CALD1: variants seen among roughly 807,000 people sequenced by gnomAD.
CALD1 encodes the protein caldesmon 1.
In CALD1, 33 loss-of-function variants were observed where a neutral mutation model predicts 99.9. That is an observed-to-expected ratio of 0.33 (90% CI 0.25 to 0.44). The LOEUF is 0.44. CALD1 is among the 20% of genes least tolerant of loss of function. The probability of loss-of-function intolerance (pLI) is 1.00; values close to 1 mark genes in which losing one functional copy is unlikely to be tolerated. For missense variants in CALD1, 861 were observed against 962.1 expected, an observed-to-expected ratio of 0.89 and a Z score of 1.39; for synonymous variants, 310 against 325.0, an observed-to-expected ratio of 0.95 and a Z score of 0.50.
At chr7:134,784,799 C>T (rs1797244037) in intron 1 of CALD1, among the ~76,000 whole-genome samples, 2 of 152,246 alleles carry the variant, frequency 1.3e-5, no homozygotes, top group African/African-American at 2.4e-5. Flanking sequence ...ATCCCAGCCG[C>T]GGTCCATGGA....
At chr7:134,915,339 G>A (rs770509585) in intron 3 of CALD1, among the ~76,000 whole-genome samples, 15 of 152,212 alleles carry the variant, frequency 9.9e-5, no homozygotes, top group Non-Finnish European at 1.9e-4. Context: ...CCATAAGTCA[G>A]TGCCAGTGCT....
the CALD1 span, among the ~76,000 whole-genome samples, chr7:134,712,028 AGG>A: frequency 1.5e-5 from 1 of 65,334 alleles, no homozygotes; most frequent in African/African-American, 1.1e-4. Flanking sequence ...GGAGGGAGAG[AGG>A]GAGGGAAGGA....
At chr7:134,858,954 C>G (rs1299138962) in intron 2 of CALD1, among the ~76,000 whole-genome samples, 1 of 152,140 alleles carries the variant, frequency 6.6e-6, no homozygotes, top group Non-Finnish European at 1.5e-5. Flanking sequence ...ATATGGGGGC[C>G]ACTAAACACA....
chr7:134,857,646 A>C (rs1337113208), intron 2 of CALD1, among the ~76,000 whole-genome samples: 2 of 152,180 alleles, frequency 1.3e-5, no homozygotes, highest in African/African-American at 4.8e-5. Flanking sequence ...TTATCTGTAA[A>C]TATATATGCT....
At chr7:134,958,343 T>A (rs1279279918) in intron 11 of CALD1, 53 bp downstream of exon 11, 4 of 1,373,862 alleles carry the variant, frequency 2.9e-6, no homozygotes, top group East Asian at 2.3e-5. Context: ...AGATTCTGAC[T>A]ACATAGAAGA....
At chr7:134,760,652 T>A (rs1796768987) in intron 1 of CALD1, among the ~76,000 whole-genome samples, 1 of 152,316 alleles carries the variant, frequency 6.6e-6, no homozygotes, top group East Asian at 1.9e-4. Context: ...ACAGTGCATT[T>A]ACATAAATTA....
intron 1 of CALD1, among the ~76,000 whole-genome samples, chr7:134,807,715 C>T (rs1340765611): frequency 6.6e-6 from 1 of 152,028 alleles, no homozygotes; most frequent in Admixed American, 6.5e-5. Flanking sequence ...GCAACCTCCG[C>T]CTCCCTAGTT....
chr7:134,734,344 T>C, the CALD1 span, among the ~76,000 whole-genome samples: 4 of 103,516 alleles, frequency 3.9e-5, no homozygotes, highest in Non-Finnish European at 5.7e-5. Context: ...CTGTGGTTTT[T>C]GTTTTTTGGG....
chr7:134,944,944 A>C (rs964743639), intron 7 of CALD1, among the ~76,000 whole-genome samples: 2 of 152,222 alleles, frequency 1.3e-5, no homozygotes, highest in Non-Finnish European at 2.9e-5. Context: ...TAAAATTATC[A>C]GTGTTCTAAC....
At chr7:134,853,641 A>G (rs4554410) in intron 2 of CALD1, among the ~76,000 whole-genome samples, 7,234 of 152,332 alleles carry the variant, frequency 0.047, 263 homozygotes, top group Middle Eastern at 0.13. Context: ...CTGCATTCAC[A>G]TCTTATATGC....
At chr7:134,766,292 C>T (rs1796826459) in intron 1 of CALD1, among the ~76,000 whole-genome samples, 1 of 151,804 alleles carries the variant, frequency 6.6e-6, no homozygotes, top group South Asian at 2.1e-4. Flanking sequence ...GCTGGGACTA[C>T]AGGCCACCAC....
At chr7:134,914,688 C>T (rs1804075119) in intron 3 of CALD1, among the ~76,000 whole-genome samples, 4 of 152,168 alleles carry the variant, frequency 2.6e-5, no homozygotes, top group Non-Finnish European at 5.9e-5. Flanking sequence ...CCCGATTCTG[C>T]AACCTTGCTA....
chr7:134,845,263 A>G (rs559454076), intron 2 of CALD1, among the ~76,000 whole-genome samples: 1 of 152,302 alleles, frequency 6.6e-6, no homozygotes, highest in African/African-American at 2.4e-5. Flanking sequence ...TATACAGTAG[A>G]CATTTTGTAA....
At chr7:134,830,958 A>C (rs1799194217) in intron 1 of CALD1, among the ~76,000 whole-genome samples, 2 of 152,186 alleles carry the variant, frequency 1.3e-5, no homozygotes, top group South Asian at 4.1e-4. Context: ...CCGCTGATAG[A>C]GTACTAAGCT....
intron 1 of CALD1, among the ~76,000 whole-genome samples, chr7:134,807,917 C>T (rs1218368868): frequency 1.3e-5 from 2 of 152,052 alleles, no homozygotes; most frequent in East Asian, 1.9e-4. Context: ...CGTAAGCCAC[C>T]GTGCCCGGCC....
intron 1 of CALD1, among the ~76,000 whole-genome samples, chr7:134,823,749 GA>G (rs1264859127): frequency 6.6e-6 from 1 of 152,020 alleles, no homozygotes; most frequent in Non-Finnish European, 1.5e-5. Flanking sequence ...GTCTGACTTT[GA>G]AAAAAATATA....
At chr7:134,947,823 C>A in intron 8 of CALD1, 54 bp downstream of exon 8, 2 of 1,567,008 alleles carry the variant, frequency 1.3e-6, no homozygotes, top group South Asian at 1.2e-5. Context: ...TCCCTAGTGC[C>A]GTGCGGCTGT....
chr7:134,867,070 C>T (rs1800834493), intron 2 of CALD1: 1 of 152,146 alleles, frequency 6.6e-6, no homozygotes. Context: ...TGGGTTACAT[C>T]TGTAGAAAAG....
chr7:134,726,343 T>C, the CALD1 span, among the ~76,000 whole-genome samples: 2 of 147,770 alleles, frequency 1.4e-5, no homozygotes, highest in Non-Finnish European at 3.0e-5. Flanking sequence ...TAATCTTAAT[T>C]GATCTTTATA....
Sources: allele counts gnomAD v4.1 joint callset (sites outside exome capture counted in the v4.1 genomes callset), GRCh38; gene constraint gnomAD v4.1.1; transcripts MANE v1.5; gene names NCBI Gene and HGNC (gene_info 2026-07-23, HGNC 2026-07-21).